Variants in TMC1 observed in about 807,000 individuals in gnomAD.
TMC1 encodes transmembrane channel like 1, also known as transmembrane channel-like protein 1.
A neutral mutation model predicts 105.8 loss-of-function variants in TMC1; 84 were observed. The observed-to-expected ratio is 0.79, with a 90% CI of 0.67 to 0.95. The LOEUF (loss-of-function observed/expected upper bound fraction) is 0.95, where lower values mean the gene tolerates loss of function less well. TMC1 is among the 40% of genes least tolerant of loss of function. TMC1 has a pLI of 0.00. For missense variants in TMC1, 817 were observed against 914.1 expected, an observed-to-expected ratio of 0.89 and a Z score of 1.37; for synonymous variants, 315 against 311.5, an observed-to-expected ratio of 1.01 and a Z score of -0.12.
At chr9:72,765,044 T>A (rs1391740963) in intron 12 of TMC1, among the ~76,000 whole-genome samples, 1 of 152,182 alleles carries the variant, frequency 6.6e-6, no homozygotes, top group African/African-American at 2.4e-5. Context: ...ATAATTTGTT[T>A]AAAAAGAAGA....
intron 1 of TMC1, among the ~76,000 whole-genome samples, chr9:72,569,951 G>A (rs1817836680): frequency 6.6e-6 from 1 of 152,158 alleles, no homozygotes; most frequent in Admixed American, 6.5e-5. Context: ...GTAGCATTGG[G>A]ATAAGGGTGT....
chr9:72,547,305 G>A (rs1156429453), intron 1 of TMC1, among the ~76,000 whole-genome samples: 2 of 140,732 alleles, frequency 1.4e-5, no homozygotes, highest in African/African-American at 5.5e-5. Flanking sequence ...AAAAAAAAAT[G>A]GTTAAAAAGA....
intron 8 of TMC1, among the ~76,000 whole-genome samples, chr9:72,733,531 C>G (rs1827249006): frequency 6.6e-6 from 1 of 152,110 alleles, no homozygotes; most frequent in Non-Finnish European, 1.5e-5. Flanking sequence ...CTGAAGTCAG[C>G]CCTGTTAGTA....
At chr9:72,659,909 C>T (rs559099125) in intron 5 of TMC1, among the ~76,000 whole-genome samples, 14 of 152,252 alleles carry the variant, frequency 9.2e-5, no homozygotes, top group African/African-American at 3.4e-4. Flanking sequence ...TTTGAGATTC[C>T]TGAGCCTTAA....
At chr9:72,577,820 T>C (rs1456222869) in intron 1 of TMC1, 82 bp from the exon 2 acceptor site, 1 of 152,092 alleles carries the variant, frequency 6.6e-6, no homozygotes, top group Non-Finnish European at 1.5e-5. Flanking sequence ...CAGCATGCTG[T>C]GTTTTGGGCT....
At chr9:72,601,592 C>T (rs1460975178) in intron 2 of TMC1, among the ~76,000 whole-genome samples, 1 of 152,182 alleles carries the variant, frequency 6.6e-6, no homozygotes, top group African/African-American at 2.4e-5. Flanking sequence ...TTGTAGTGAG[C>T]TGAGATCGTG....
At chr9:72,594,248 A>C (rs368226029) in intron 2 of TMC1, among the ~76,000 whole-genome samples, 1 of 152,216 alleles carries the variant, frequency 6.6e-6, no homozygotes. Flanking sequence ...TAGACAGAGA[A>C]ACCATAAATT....
At chr9:72,789,497 ACTGT>A (rs1317177125) in intron 15 of TMC1, among the ~76,000 whole-genome samples, 180 bp downstream of exon 15, 2 of 152,094 alleles carry the variant, frequency 1.3e-5, no homozygotes, top group Non-Finnish European at 2.9e-5. Flanking sequence ...CTAAATCTGG[ACTGT>A]CTGTTTTTCA....
chr9:72,725,699 C>CT (rs1480918617), intron 8 of TMC1, among the ~76,000 whole-genome samples: 11 of 150,700 alleles, frequency 7.3e-5, no homozygotes, highest in African/African-American at 1.2e-4. Flanking sequence ...ATCTCTCTCT[C>CT]TTTTTTTTTG....
chr9:72,643,067 T>G (rs1319698720), intron 4 of TMC1, among the ~76,000 whole-genome samples: 1 of 152,192 alleles, frequency 6.6e-6, no homozygotes, highest in African/African-American at 2.4e-5. Context: ...GTATTTAGAT[T>G]GTTTCTATCT....
At position 72,836,289 on chromosome 9, in the gene TMC1, G is replaced by T; in HGVS notation, c.*316G>T. On this transcript the variant is annotated 3_prime_UTR_variant, in exon 24 of 24. Transcript: ENST00000297784. ...TCCAGCAATACAGTTTACTGGTTTA[G>T]TTGGTGGGTTAATTAAAAAAAATTT... The T allele has an allele frequency of 3.0e-6, 1 of 333,530 alleles. No individual in the cohort carries two copies. The highest frequency in any genetic ancestry group is 5.4e-6 in the Non-Finnish European group (1 of 184,028). 20.7% of individuals were successfully genotyped at this position (333,530 alleles called of 1,614,324 possible).
intron 6 of TMC1, among the ~76,000 whole-genome samples, chr9:72,689,715 GT>G (rs1408781876): frequency 1.3e-5 from 2 of 151,972 alleles, no homozygotes; most frequent in Admixed American, 6.6e-5. Flanking sequence ...GCTTATGACA[GT>G]TTTATACTAA....
intron 5 of TMC1, among the ~76,000 whole-genome samples, chr9:72,649,470 T>C (rs1453522622): frequency 6.6e-6 from 1 of 152,176 alleles, no homozygotes; most frequent in African/African-American, 2.4e-5. Flanking sequence ...GAATGGAAAG[T>C]GGAAACAGAG....
At chr9:72,528,094 C>T (rs1262078671) in intron 1 of TMC1, among the ~76,000 whole-genome samples, 1 of 152,104 alleles carries the variant, frequency 6.6e-6, no homozygotes, top group Admixed American at 6.5e-5. Context: ...ACTGAAGCCT[C>T]TGGGAGGTAA....
chr9:72,731,478 T>G (rs1007369153), intron 8 of TMC1, among the ~76,000 whole-genome samples: 1 of 152,200 alleles, frequency 6.6e-6, no homozygotes, highest in Non-Finnish European at 1.5e-5. Flanking sequence ...AAAGGGTATC[T>G]TAGAGAAATG....
At chr9:72,543,881 C>T (rs537268914) in intron 1 of TMC1, among the ~76,000 whole-genome samples, 25 of 152,098 alleles carry the variant, frequency 1.6e-4, no homozygotes, top group Middle Eastern at 3.4e-3. Context: ...GGAATACAGG[C>T]ATGTGCCACC....
intron 2 of TMC1, among the ~76,000 whole-genome samples, chr9:72,604,722 T>G (rs1313592032): frequency 6.6e-6 from 1 of 152,200 alleles, no homozygotes; most frequent in East Asian, 1.9e-4. Context: ...AGAAATAAAT[T>G]AGTAAATAGG....
At chr9:72,735,788 C>T (rs1206647989) in intron 8 of TMC1, among the ~76,000 whole-genome samples, 2 of 142,590 alleles carry the variant, frequency 1.4e-5, no homozygotes, top group African/African-American at 5.6e-5. Flanking sequence ...TACTTTCTTA[C>T]ATCCTATGAG....
intron 4 of TMC1, among the ~76,000 whole-genome samples, chr9:72,633,617 G>A (rs1351791963): frequency 6.6e-6 from 1 of 152,070 alleles, no homozygotes; most frequent in Non-Finnish European, 1.5e-5. Flanking sequence ...TTCGTTTGAG[G>A]TGAGGATTAA....
Sources: allele counts gnomAD v4.1 joint callset (sites outside exome capture counted in the v4.1 genomes callset), GRCh38; gene constraint gnomAD v4.1.1; transcripts MANE v1.5; gene names NCBI Gene and HGNC (gene_info 2026-07-23, HGNC 2026-07-21).